CDC42BPA: variants seen among roughly 807,000 people sequenced by gnomAD.
CDC42BPA encodes CDC42 binding protein kinase alpha.
CDC42BPA carries 80 observed loss-of-function variants against 223.5 expected under a neutral mutation model. That is an observed-to-expected ratio of 0.36 (90% CI 0.30 to 0.43). CDC42BPA has a LOEUF of 0.43. CDC42BPA is among the 20% of genes least tolerant of loss of function. The pLI is 1.00. For synonymous variants in CDC42BPA, 694 were observed against 718.6 expected (o/e 0.97, Z 0.55); for missense variants, 1,743 against 2,099.9 (o/e 0.83, Z 3.32).
intron 5 of CDC42BPA, among the ~76,000 whole-genome samples, chr1:227,170,742 G>A (rs1231331482): frequency 1.3e-5 from 2 of 152,174 alleles, no homozygotes; most frequent in Non-Finnish European, 2.9e-5. Context: ...GACCACAGAC[G>A]CTTCAGAACT....
rs114224211 is a variant in CDC42BPA, at chr1:227,237,745, T to C, written c.270+16319A>G. 4.1e-3 allele frequency among the ~76,000 whole-genome samples: 627 copies of C among 152,312 alleles called. 6 individuals carry two copies. The highest frequency in any genetic ancestry group is 0.015 in the African/African-American group (608 of 41,568). ...TATCCAGTTGTCTCAGGACCATTTA[T>C]TAAAAGTTTTATTGGCCAGGCGCGG... On this transcript the variant is annotated intron_variant, in intron 2 of 36. Coordinates refer to ENST00000366766, the MANE Select transcript of CDC42BPA (RefSeq NM_001394014.1).
chr1:227,230,918 T>A (rs1328839152), intron 2 of CDC42BPA, among the ~76,000 whole-genome samples: 1 of 148,990 alleles, frequency 6.7e-6, no homozygotes, highest in African/African-American at 2.5e-5. Context: ...ACACCCGGGT[T>A]CAAGCGATTC....
chr1:227,016,291 A>T, intron 33 of CDC42BPA, 94 bp from the exon 34 acceptor site: 2 of 735,678 alleles, frequency 2.7e-6, no homozygotes, highest in Non-Finnish European at 4.8e-6. Context: ...ATAAAAATAC[A>T]ACTGTTAAAT....
chr1:227,236,647 A>G (rs1165450393), intron 2 of CDC42BPA, among the ~76,000 whole-genome samples: 2 of 152,246 alleles, frequency 1.3e-5, no homozygotes, highest in South Asian at 2.1e-4. Context: ...TGAACAATAT[A>G]TAACTAAAAC....
intron 1 of CDC42BPA, among the ~76,000 whole-genome samples, chr1:227,293,367 G>GCTGGTAAGC: frequency 2.0e-5 from 3 of 151,926 alleles, no homozygotes; most frequent in Admixed American, 6.6e-5. Context: ...CACAAAAAGA[G>GCTGGTAAGC]AATTAAACCA....
intron 15 of CDC42BPA, among the ~76,000 whole-genome samples, chr1:227,100,490 G>T (rs936998686): frequency 6.6e-6 from 1 of 152,086 alleles, no homozygotes; most frequent in African/African-American, 2.4e-5. Context: ...TTTTCTGAAT[G>T]TGGCATGTCC....
At chr1:227,102,873 T>C (rs1294045322) in intron 14 of CDC42BPA, among the ~76,000 whole-genome samples, 1 of 152,104 alleles carries the variant, frequency 6.6e-6, no homozygotes, top group African/African-American at 2.4e-5. Flanking sequence ...AAAATCCAAA[T>C]GATAATCTCA....
chr1:227,086,686 CT>C (rs58206079), intron 16 of CDC42BPA, among the ~76,000 whole-genome samples: 8,563 of 142,278 alleles, frequency 0.06, 724 homozygotes, highest in African/African-American at 0.2. Flanking sequence ...TTTTTTTTTC[CT>C]TTTTTTTTTT....
intron 5 of CDC42BPA, among the ~76,000 whole-genome samples, chr1:227,180,832 C>T (rs1271130027): frequency 3.3e-5 from 5 of 151,630 alleles, no homozygotes; most frequent in Admixed American, 6.6e-5. Flanking sequence ...AAATCATTAG[C>T]ATTTTTGAAG....
Position 227,029,005 on chromosome 1 carries a change from AG to A in CDC42BPA, c.4083del (p.Cys1362ValfsTer42). On this transcript the variant is annotated frameshift_variant, in exon 30 of 37. Transcript: ENST00000366766. LOFTEE classifies it high-confidence loss of function. Reference protein sequence around the residue: ...CLCVAMKRQVLCYELFQSKTR... With the variant: ...CLCVAMKRQVXCYELFQSKTR... The stretch of plus-strand genomic sequence containing the variant: ...GTCTTGCTCTGAAATAGTTCATAAC[AG>A]AGGACCTGCCTTTTCATAGCCACAC... 6.2e-7 allele frequency: 1 copy of A among 1,614,126 alleles called. No individual in the cohort carries two copies. The highest frequency in any genetic ancestry group is 8.5e-7 in the Non-Finnish European group (1 of 1,180,016).
At chr1:227,225,826 G>A (rs567458779) in intron 2 of CDC42BPA, among the ~76,000 whole-genome samples, 1 of 152,318 alleles carries the variant, frequency 6.6e-6, no homozygotes, top group South Asian at 2.1e-4. Flanking sequence ...AGTACTAGTG[G>A]CCTTAAATAT....
chr1:227,201,201 C>T (rs1404740039), intron 3 of CDC42BPA, among the ~76,000 whole-genome samples: 2 of 151,896 alleles, frequency 1.3e-5, no homozygotes, highest in African/African-American at 4.8e-5. Flanking sequence ...AGCTGGAGTA[C>T]AGTGGTACAA....
chr1:227,267,602 T>G (rs149333562), intron 1 of CDC42BPA, among the ~76,000 whole-genome samples: 143 of 152,316 alleles, frequency 9.4e-4, no homozygotes, highest in Non-Finnish European at 1.7e-3. Flanking sequence ...TACCTGAGAC[T>G]GGGTAATTTA....
intron 1 of CDC42BPA, among the ~76,000 whole-genome samples, chr1:227,275,897 C>T (rs1273390651): frequency 6.6e-6 from 1 of 152,228 alleles, no homozygotes; most frequent in African/African-American, 2.4e-5. Context: ...GTCTCGCTCA[C>T]TCAGTGCTCA....
intron 23 of CDC42BPA, among the ~76,000 whole-genome samples, chr1:227,043,794 T>C (rs1188508873): frequency 6.6e-6 from 1 of 152,180 alleles, no homozygotes; most frequent in Non-Finnish European, 1.5e-5. Flanking sequence ...AACTCCCTAC[T>C]GCCATAAAAA....
chr1:227,163,112 G>GTA (rs1204310217), intron 5 of CDC42BPA, among the ~76,000 whole-genome samples: 385 of 29,746 alleles, frequency 0.013, 15 homozygotes, highest in African/African-American at 0.044. Flanking sequence ...AAACATATAT[G>GTA]TGTGTATGTT....
intron 1 of CDC42BPA, among the ~76,000 whole-genome samples, chr1:227,282,169 CA>C (rs1411333925): frequency 2.2e-5 from 1 of 45,742 alleles, no homozygotes; most frequent in Non-Finnish European, 4.4e-5. Flanking sequence ...GCCTGGGCAA[CA>C]AAAGCAAAAC....
chr1:227,256,845 A>G (rs1052127388), intron 1 of CDC42BPA, among the ~76,000 whole-genome samples: 3 of 152,092 alleles, frequency 2.0e-5, no homozygotes, highest in Non-Finnish European at 4.4e-5. Context: ...ATATCTGTAC[A>G]ATGATGTTCA....
intron 6 of CDC42BPA, among the ~76,000 whole-genome samples, chr1:227,155,772 G>A (rs1200139859): frequency 2.0e-5 from 3 of 152,124 alleles, no homozygotes; most frequent in Non-Finnish European, 1.5e-5. Flanking sequence ...ATGACACGAC[G>A]ATGAGTATTT....
Sources: allele counts gnomAD v4.1 joint callset (sites outside exome capture counted in the v4.1 genomes callset), GRCh38; gene constraint gnomAD v4.1.1; transcripts MANE v1.5; gene names NCBI Gene and HGNC (gene_info 2026-07-23, HGNC 2026-07-21).